The following CCDC15 variants were observed in gnomAD, a reference collection of about 807,000 sequenced individuals.
The protein encoded by CCDC15 is coiled-coil domain-containing protein 15.
A neutral mutation model predicts 114.5 loss-of-function variants in CCDC15; 105 were observed. The ratio of observed to expected loss-of-function variants is 0.92; its 90% confidence interval spans 0.78 to 1.08. The LOEUF (loss-of-function observed/expected upper bound fraction) is 1.08. CCDC15 is among the 50% of genes least tolerant of loss of function. The pLI is 0.00. For missense variants in CCDC15, 1,105 were observed against 1,093.6 expected (o/e 1.01, Z -0.15); for synonymous variants, 334 against 377.8 (o/e 0.88, Z 1.34).
At chr11:125,032,080 G>A (rs573139500) in intron 13 of CCDC15, among the ~76,000 whole-genome samples, 6 of 152,206 alleles carry the variant, frequency 3.9e-5, no homozygotes, top group South Asian at 2.1e-4. Flanking sequence ...ATCCTCTGGC[G>A]TGCAAATGTC....
chr11:125,039,317 C>G, intron 15 of CCDC15: 1 of 379,084 alleles, frequency 2.6e-6, no homozygotes, highest in Non-Finnish European at 4.7e-6. Context: ...TGTAGGAGGT[C>G]TTGAGTTTCA....
In CCDC15 at chr11:125,005,123, C is replaced by T; in HGVS notation, c.2322C>T (p.Tyr774=). ...CTTACCTTTAGCGTCAAAAGCAGTA[C>T]CTGAGACATAGACGACTTTTCATGG... The part of the protein sequence containing the change: ...EEDKKERQKQ[Y]LRHRRLFMDI... The change falls in exon 13 of 16, where the codon TAC becomes TAT. Residue 774 remains tyrosine (Y), a synonymous_variant. Transcript: ENST00000344762. The T allele has an allele frequency of 6.6e-7, 1 of 1,526,098 alleles. No homozygotes were observed. The highest frequency in any genetic ancestry group is 8.9e-7 in the Non-Finnish European group (1 of 1,121,140). 94.5% of individuals were successfully genotyped at this position (1,526,098 alleles called of 1,614,324 possible). A position where few individuals can be genotyped will look rare whatever the true frequency, so the allele number is the denominator to read the frequency against.
chr11:124,995,629 T>A (rs967033330), intron 11 of CCDC15, among the ~76,000 whole-genome samples: 1 of 152,110 alleles, frequency 6.6e-6, no homozygotes, highest in Non-Finnish European at 1.5e-5. Flanking sequence ...TTTCAGACAA[T>A]CTAAAGAAGA....
At chr11:124,968,515 C>T (rs781256929) in intron 4 of CCDC15, among the ~76,000 whole-genome samples, 6 of 152,180 alleles carry the variant, frequency 3.9e-5, no homozygotes, top group Admixed American at 6.5e-5. Flanking sequence ...GTTGGAAAAG[C>T]GCAGTATTAG....
At chr11:124,970,748 G>T (rs1947863799) in intron 4 of CCDC15, among the ~76,000 whole-genome samples, 1 of 152,066 alleles carries the variant, frequency 6.6e-6, no homozygotes, top group South Asian at 2.1e-4. Context: ...AAAAAGAACT[G>T]AAGAAAATAT....
intron 13 of CCDC15, among the ~76,000 whole-genome samples, chr11:125,036,624 C>A (rs1948776038): frequency 6.6e-6 from 1 of 152,122 alleles, no homozygotes; most frequent in Non-Finnish European, 1.5e-5. Flanking sequence ...AAGTTACTTT[C>A]TAGGTATCAT....
chr11:125,031,143 T>A (rs1948735886), intron 13 of CCDC15, among the ~76,000 whole-genome samples: 2 of 152,228 alleles, frequency 1.3e-5, no homozygotes, highest in Admixed American at 6.5e-5. Flanking sequence ...TTGCTCGAAG[T>A]TCTGCCCACT....
intron 10 of CCDC15, 62 bp downstream of exon 10, chr11:124,992,749 A>G: frequency 1.1e-6 from 1 of 926,440 alleles, no homozygotes; most frequent in East Asian, 2.6e-5. Flanking sequence ...CCTAAATCAT[A>G]TTAACATTGA....
intron 12 of CCDC15, among the ~76,000 whole-genome samples, chr11:125,004,885 C>T (rs1028834646): frequency 2.0e-5 from 3 of 152,044 alleles, no homozygotes; most frequent in African/African-American, 7.2e-5. Context: ...TCTGGTTTGC[C>T]TATTAACATA....
At chr11:125,018,494 G>A (rs1057394831) in intron 13 of CCDC15, among the ~76,000 whole-genome samples, 4 of 151,932 alleles carry the variant, frequency 2.6e-5, no homozygotes, top group South Asian at 2.1e-4. Flanking sequence ...TTATAATACC[G>A]TATATTTAGT....
intron 4 of CCDC15, among the ~76,000 whole-genome samples, chr11:124,969,204 C>T (rs1947837626): frequency 6.6e-6 from 1 of 152,144 alleles, no homozygotes; most frequent in Non-Finnish European, 1.5e-5. Flanking sequence ...TGCTCTTAAT[C>T]CGCACCCCTT....
intron 13 of CCDC15, among the ~76,000 whole-genome samples, chr11:125,012,069 G>T (rs777157431): frequency 2.0e-5 from 3 of 152,168 alleles, no homozygotes; most frequent in African/African-American, 4.8e-5. Flanking sequence ...GCCTAGATGC[G>T]CATGAGAGGT....
At position 125,038,578 on chromosome 11, in the gene CCDC15, A is replaced by C. The variant is rs1948792608; in HGVS notation, c.2559A>C (p.Lys853Asn). ...AAGAAATAAAAGGAACCAGAGAAAAACAACAGAGAGAAAAAGAATACCTGA... is the reference window on the plus strand; with the variant it reads ...AAGAAATAAAAGGAACCAGAGAAAACCAACAGAGAGAAAAAGAATACCTGA... ...QLQEIKGTRE[K>N]QQREKEYLRY... is the part of the protein sequence containing the mutation. The change falls in exon 14 of 16, where the codon AAA becomes AAC. Residue 853 changes from lysine to asparagine, a missense_variant. By Grantham distance (94) the Lys-to-Asn change is moderately conservative (BLOSUM62 0). Transcript: ENST00000344762. 2 of 1,571,902 alleles carry C rather than the reference A, an allele frequency of 1.3e-6. No homozygotes were observed. The highest frequency in any genetic ancestry group is 2.4e-5 in the South Asian group (2 of 83,198).
intron 13 of CCDC15, among the ~76,000 whole-genome samples, chr11:125,015,801 G>A (rs543805292): frequency 3.3e-5 from 5 of 152,246 alleles, no homozygotes; most frequent in African/African-American, 1.2e-4. Context: ...AATTTTTCTT[G>A]TGAGCATAAA....
chr11:125,018,697 G>A (rs1948643392), intron 13 of CCDC15, among the ~76,000 whole-genome samples: 1 of 152,048 alleles, frequency 6.6e-6, no homozygotes, highest in Non-Finnish European at 1.5e-5. Context: ...ACGTGTAAAT[G>A]TGCTTAGTAC....
intron 15 of CCDC15, 109 bp downstream of exon 15, chr11:125,039,178 C>A: frequency 1.0e-6 from 1 of 990,846 alleles, no homozygotes; most frequent in South Asian, 2.4e-5. Context: ...GTATCAGAGA[C>A]TGTTATAAAC....
At chr11:125,032,246 T>C (rs148417772) in intron 13 of CCDC15, among the ~76,000 whole-genome samples, 3,342 of 152,354 alleles carry the variant, frequency 0.022, 68 homozygotes, top group South Asian at 0.067. Flanking sequence ...AGAGTTGATA[T>C]ACCCCTGAGG....
At position 124,986,707 on chromosome 11, in the gene CCDC15, G is replaced by GCGCA. The variant is rs1948166446; in HGVS notation, c.754-32_754-31insACGC. On this transcript the variant is annotated intron_variant, in intron 6 of 15. Coordinates refer to ENST00000344762, the MANE Select transcript of CCDC15 (RefSeq NM_025004.3). ...TGTGTGTGTTTGTGTGTGTGCGCGCGCGCGCGTGCGCGTTTTCATTGTTTT... is the reference window on the plus strand; with the variant it reads ...TGTGTGTGTTTGTGTGTGTGCGCGCGCGCACGCGCGTGCGCGTTTTCATTGTTTT... The GCGCA allele has an allele frequency of 3.5e-6, 5 of 1,441,730 alleles. No individual in the cohort carries two copies. In the African/African-American group the frequency reaches 7.4e-5, roughly 21 times the overall value. The allele number at this position is 1,441,730 out of a possible 1,614,324, so 89.3% of individuals were successfully genotyped here.
intron 11 of CCDC15, among the ~76,000 whole-genome samples, chr11:124,995,616 A>C (rs936117931): frequency 2.0e-5 from 3 of 152,174 alleles, no homozygotes; most frequent in African/African-American, 7.2e-5. Context: ...CACGACACTC[A>C]AATTTCAGAC....
Sources: allele counts gnomAD v4.1 joint callset (sites outside exome capture counted in the v4.1 genomes callset), GRCh38; gene constraint gnomAD v4.1.1; transcripts MANE v1.5; gene names NCBI Gene and HGNC (gene_info 2026-07-23, HGNC 2026-07-21).